The following URI1 variants were observed in gnomAD, a reference collection of about 807,000 sequenced individuals.
URI1 encodes the protein URI1 prefoldin like chaperone, also known as unconventional prefoldin RPB5 interactor 1.
In URI1, 39 loss-of-function variants were observed where a neutral mutation model predicts 60.2. The observed-to-expected ratio is 0.65, with a 90% CI of 0.50 to 0.85. The LOEUF is 0.85. URI1 is among the 40% of genes least tolerant of loss of function. URI1 has a pLI of 0.00. For synonymous variants in URI1, 251 were observed against 236.8 expected, an observed-to-expected ratio of 1.06 and a Z score of -0.55; for missense variants, 691 against 665.9, an observed-to-expected ratio of 1.04 and a Z score of -0.42.
chr19:29,943,784 T>C (rs1341250681), intron 1 of URI1, among the ~76,000 whole-genome samples: 1 of 152,042 alleles, frequency 6.6e-6, no homozygotes, highest in Non-Finnish European at 1.5e-5. Context: ...TTCTCAGCCA[T>C]TTTTCTCTAA....
chr19:29,949,095 G>T (rs1441527120), intron 1 of URI1, among the ~76,000 whole-genome samples: 6 of 150,878 alleles, frequency 4.0e-5, no homozygotes, highest in Non-Finnish European at 4.4e-5. Context: ...GGGCGGAGAC[G>T]CTCCTCACTT....
chr19:29,960,050 C>G (rs894726662), intron 1 of URI1, among the ~76,000 whole-genome samples: 1 of 152,210 alleles, frequency 6.6e-6, no homozygotes, highest in East Asian at 1.9e-4. Flanking sequence ...AAAATAGTTT[C>G]TAATTTCTAT....
At chr19:30,014,624 C>G (rs188820624) in intron 10 of URI1, among the ~76,000 whole-genome samples, 85 of 152,072 alleles carry the variant, frequency 5.6e-4, no homozygotes, top group Non-Finnish European at 9.7e-4. Context: ...TTATCCATTT[C>G]TTTTTTTTCC....
intron 6 of URI1, 63 bp downstream of exon 6, chr19:30,005,771 T>C (rs2055934939): frequency 8.9e-6 from 13 of 1,455,536 alleles, no homozygotes; most frequent in Admixed American, 2.0e-5. Context: ...TGATTTTCAG[T>C]GGGCTTTCTG....
At chr19:29,943,925 A>G (rs1172127142) in intron 1 of URI1, among the ~76,000 whole-genome samples, 3 of 151,396 alleles carry the variant, frequency 2.0e-5, no homozygotes, top group Non-Finnish European at 1.5e-5. Context: ...CTTGAAGCCA[A>G]GGAGTTCGAG....
chr19:29,993,555 C>G (rs1441551596), intron 4 of URI1, among the ~76,000 whole-genome samples: 1 of 151,480 alleles, frequency 6.6e-6, no homozygotes. Flanking sequence ...AGGCAGATTT[C>G]AGAAGAAAGT....
intron 1 of URI1, among the ~76,000 whole-genome samples, chr19:29,929,848 G>C (rs1291529159): frequency 6.6e-6 from 1 of 151,566 alleles, no homozygotes; most frequent in Non-Finnish European, 1.5e-5. Flanking sequence ...ATATATATAT[G>C]CTTGATATTA....
Position 29,942,453 on chromosome 19 carries a change from G to GGCGGGCGC in URI1, c.-86_-79dup. On this transcript the variant is annotated 5_prime_UTR_variant, in exon 1 of 11. An upstream open reading frame in the 5' UTR loses its in-frame stop. Coordinates refer to ENST00000392271, the MANE Select transcript of URI1 (RefSeq NM_003796.3). Reference sequence around the variant, plus strand: ...GGGCGCGGGGCGCGCGGTGCCTGAGGGCGGGCGCGCGGGCGCTGGGCAACT... The same window carrying GGCGGGCGC: ...GGGCGCGGGGCGCGCGGTGCCTGAGGGCGGGCGCGCGGGCGCGCGGGCGCTGGGCAACT... The GGCGGGCGC allele has an allele frequency of 9.9e-7, 1 of 1,011,620 alleles. No homozygotes were observed. The highest frequency in any genetic ancestry group is 4.5e-5 in the South Asian group (1 of 22,422). The allele number at this position is 1,011,620 out of a possible 1,614,324, so 62.7% of individuals were successfully genotyped here.
chr19:29,983,769 C>T (rs1334291056), intron 2 of URI1, among the ~76,000 whole-genome samples: 1 of 152,152 alleles, frequency 6.6e-6, no homozygotes, highest in Non-Finnish European at 1.5e-5. Flanking sequence ...AAGGGCTGTT[C>T]ATTTCCAGCA....
At chr19:29,925,805 A>G (rs568970111) in intron 1 of URI1, 1 of 152,222 alleles carries the variant, frequency 6.6e-6, no homozygotes, top group South Asian at 2.1e-4. Flanking sequence ...CCACACTTTC[A>G]TTTTGCACTG....
At chr19:30,001,821 T>C (rs2055882247) in intron 4 of URI1, among the ~76,000 whole-genome samples, 3 of 152,004 alleles carry the variant, frequency 2.0e-5, no homozygotes, top group Non-Finnish European at 4.4e-5. Context: ...TATTTGTCTT[T>C]ATGGGTTTAT....
chr19:29,974,640 A>G (rs938654605), intron 2 of URI1, among the ~76,000 whole-genome samples: 3 of 151,984 alleles, frequency 2.0e-5, no homozygotes, highest in Non-Finnish European at 4.4e-5. Context: ...GTTTGTTGCA[A>G]AGGTGCATTG....
At chr19:30,008,542 TATAG>T (rs1458666349) in intron 7 of URI1, among the ~76,000 whole-genome samples, 9 of 152,126 alleles carry the variant, frequency 5.9e-5, no homozygotes, top group Admixed American at 1.3e-4. Context: ...CACTCATGCA[TATAG>T]ATATATTCGT....
chr19:29,990,286 A>T (rs1469214779), intron 4 of URI1, among the ~76,000 whole-genome samples: 1 of 152,224 alleles, frequency 6.6e-6, no homozygotes, highest in Admixed American at 6.5e-5. Context: ...ACCCTCATTC[A>T]TTGCTGGTGG....
At chr19:30,013,656 A>G (rs191838568) in intron 10 of URI1, among the ~76,000 whole-genome samples, 1 of 152,296 alleles carries the variant, frequency 6.6e-6, no homozygotes, top group African/African-American at 2.4e-5. Context: ...AGTAGTTGCT[A>G]TACATTTTTT....
chr19:29,943,098 C>G (rs113879548), intron 1 of URI1, among the ~76,000 whole-genome samples: 1 of 151,950 alleles, frequency 6.6e-6, no homozygotes, highest in Non-Finnish European at 1.5e-5. Context: ...TAATATTTGT[C>G]ACAATATAAT....
chr19:30,012,772 TCTTA>T (rs2056039575), intron 10 of URI1: 2 of 395,242 alleles, frequency 5.1e-6, no homozygotes, highest in Non-Finnish European at 8.7e-6. Flanking sequence ...ATTTAAAATG[TCTTA>T]CTTGGCATTA....
chr19:29,936,860 C>T (rs148593455), intron 1 of URI1, among the ~76,000 whole-genome samples: 10 of 152,108 alleles, frequency 6.6e-5, no homozygotes, highest in Admixed American at 5.9e-4. Flanking sequence ...TCAAGTGATT[C>T]TCTGGCCTCA....
intron 1 of URI1, among the ~76,000 whole-genome samples, chr19:29,947,478 G>C (rs753250761): frequency 6.6e-6 from 1 of 152,182 alleles, no homozygotes. Flanking sequence ...TTTACCGCTT[G>C]CTAGCAGTGG....
Sources: allele counts gnomAD v4.1 joint callset (sites outside exome capture counted in the v4.1 genomes callset), GRCh38; gene constraint gnomAD v4.1.1; transcripts MANE v1.5; gene names NCBI Gene and HGNC (gene_info 2026-07-23, HGNC 2026-07-21).